Variants in SLC25A24 observed in about 807,000 individuals in gnomAD.
SLC25A24 encodes mitochondrial adenyl nucleotide antiporter SLC25A24.
A neutral mutation model predicts 60.7 loss-of-function variants in SLC25A24; 49 were observed. The observed-to-expected ratio is 0.81, with a 90% CI of 0.64 to 1.02. The LOEUF is 1.02. Ranked by LOEUF, SLC25A24 falls within the 50% of genes least tolerant of loss-of-function variation. The pLI, the probability that SLC25A24 is intolerant of heterozygous loss-of-function variation, is 0.00. For synonymous variants in SLC25A24, 202 were observed against 200.6 expected (o/e 1.01, Z -0.06); for missense variants, 564 against 586.3 (o/e 0.96, Z 0.39).
intron 6 of SLC25A24, among the ~76,000 whole-genome samples, chr1:108,149,861 T>C (rs1214276556): frequency 1.3e-5 from 2 of 152,166 alleles, no homozygotes; most frequent in East Asian, 3.9e-4. Context: ...GGATCTAAAG[T>C]GCCCAATGCA....
At chr1:108,170,703 AGAT>A (rs1197211156) in intron 3 of SLC25A24, among the ~76,000 whole-genome samples, 1 of 152,030 alleles carries the variant, frequency 6.6e-6, no homozygotes, top group Non-Finnish European at 1.5e-5. Flanking sequence ...TATTATTAAT[AGAT>A]TATTAATAAT....
chr1:108,140,401 G>T (rs527280760), intron 8 of SLC25A24, among the ~76,000 whole-genome samples: 2 of 151,960 alleles, frequency 1.3e-5, no homozygotes, highest in South Asian at 4.2e-4. Context: ...AAGGCTAAAA[G>T]GAGAAACAAA....
At chr1:108,197,149 G>C (rs970362584) in intron 1 of SLC25A24, among the ~76,000 whole-genome samples, 1 of 151,916 alleles carries the variant, frequency 6.6e-6, no homozygotes, top group African/African-American at 2.4e-5. Context: ...TCTTAATTTT[G>C]TCTCAGGACT....
chr1:108,143,801 T>TATTTTACATGGAAC, intron 7 of SLC25A24, 91 bp from the exon 8 acceptor site: 1 of 923,604 alleles, frequency 1.1e-6, no homozygotes, highest in Non-Finnish European at 1.7e-6. Context: ...AACAAATACC[T>TATTTTACATGGAAC]AGCACATATT....
chr1:108,178,054 T>A (rs1202318723), intron 3 of SLC25A24, among the ~76,000 whole-genome samples: 2 of 152,036 alleles, frequency 1.3e-5, no homozygotes, highest in Non-Finnish European at 2.9e-5. Flanking sequence ...TCCCAGCGAC[T>A]CGGGAGGCTG....
At chr1:108,150,078 A>C (rs1449371731) in intron 6 of SLC25A24, among the ~76,000 whole-genome samples, 1 of 152,186 alleles carries the variant, frequency 6.6e-6, no homozygotes, top group South Asian at 2.1e-4. Flanking sequence ...TGCATGTCAG[A>C]TTGTCAAAAT....
At chr1:108,161,697 T>G (rs1680089823) in intron 3 of SLC25A24, among the ~76,000 whole-genome samples, 1 of 152,220 alleles carries the variant, frequency 6.6e-6, no homozygotes. Flanking sequence ...TTGAATGTAG[T>G]TTTGAAATAT....
At chr1:108,138,118 T>C (rs1195104029) in intron 9 of SLC25A24, among the ~76,000 whole-genome samples, 3 of 152,234 alleles carry the variant, frequency 2.0e-5, no homozygotes, top group African/African-American at 7.2e-5. Context: ...TGCTCTGTGC[T>C]CCCCTAACAA....
At chr1:108,173,636 T>A (rs761287262) in intron 3 of SLC25A24, among the ~76,000 whole-genome samples, 3 of 152,020 alleles carry the variant, frequency 2.0e-5, no homozygotes, top group Non-Finnish European at 4.4e-5. Context: ...CAGGCAGAGG[T>A]TGGAACAGTT....
intron 6 of SLC25A24, among the ~76,000 whole-genome samples, chr1:108,148,910 C>T (rs1439879909): frequency 2.0e-5 from 3 of 152,120 alleles, no homozygotes; most frequent in East Asian, 3.9e-4. Flanking sequence ...AAGAGCAAGG[C>T]CTAAATGCTA....
chr1:108,148,618 C>T (rs1192332719), intron 6 of SLC25A24, among the ~76,000 whole-genome samples: 1 of 152,132 alleles, frequency 6.6e-6, no homozygotes, highest in Non-Finnish European at 1.5e-5. Context: ...TTCACATGTG[C>T]ACCAAGAAAA....
chr1:108,188,066 G>A (rs541867733), intron 1 of SLC25A24, among the ~76,000 whole-genome samples: 11 of 151,608 alleles, frequency 7.3e-5, no homozygotes, highest in Admixed American at 1.3e-4. Flanking sequence ...ATAAAATCAC[G>A]TCCTCTGCAG....
At chr1:108,174,082 G>A (rs1186416884) in intron 3 of SLC25A24, among the ~76,000 whole-genome samples, 1 of 152,252 alleles carries the variant, frequency 6.6e-6, no homozygotes, top group Non-Finnish European at 1.5e-5. Context: ...CAAGCCAGCT[G>A]CAGAAATCTG....
intron 5 of SLC25A24, among the ~76,000 whole-genome samples, chr1:108,156,836 C>CTCTCA (rs1216321244): frequency 1.3e-5 from 2 of 152,188 alleles, no homozygotes; most frequent in African/African-American, 4.8e-5. Flanking sequence ...TGCATTCCCC[C>CTCTCA]TCTCATTTGT....
intron 4 of SLC25A24, among the ~76,000 whole-genome samples, chr1:108,160,682 C>T (rs1310821907): frequency 6.6e-6 from 1 of 152,250 alleles, no homozygotes; most frequent in Non-Finnish European, 1.5e-5. Context: ...GTGAACGAGA[C>T]TCCGTCTGCA....
chr1:108,143,567 T>C lies in SLC25A24; in HGVS notation c.1074A>G (p.Ala358=), dbSNP rs1679505523. The C allele has an allele frequency of 1.2e-6, 2 of 1,613,020 alleles. No homozygotes were observed. The highest frequency in any genetic ancestry group is 1.7e-6 in the Non-Finnish European group (2 of 1,179,576). ...VPNLLGIIPY[A]GIDLAVYELL... is the part of the protein sequence containing the mutation. ...CCTCATACACAGCAAGATCTATGCC[T>C]GCATAAGGTATGATACCTAATAAAT... Residue 358 remains alanine (A), a synonymous_variant, in exon 8 of 10, where the codon GCA becomes GCG. Coordinates refer to ENST00000565488, the MANE Select transcript of SLC25A24 (RefSeq NM_013386.5).
chr1:108,143,737 ATTGT>A, intron 7 of SLC25A24, 27 bp from the exon 8 acceptor site: 1 of 1,568,542 alleles, frequency 6.4e-7, no homozygotes, highest in Non-Finnish European at 8.7e-7. Context: ...ACAAAATATG[ATTGT>A]TCATATTAAC....
At chr1:108,171,227 C>T (rs1472096702) in intron 3 of SLC25A24, among the ~76,000 whole-genome samples, 1 of 150,350 alleles carries the variant, frequency 6.7e-6, no homozygotes, top group Non-Finnish European at 1.5e-5. Flanking sequence ...TGAAATTTTA[C>T]CACATATATA....
intron 3 of SLC25A24, among the ~76,000 whole-genome samples, chr1:108,166,176 T>C (rs937284082): frequency 1.6e-4 from 25 of 152,268 alleles, no homozygotes; most frequent in Non-Finnish European, 3.5e-4. Context: ...GTTAGTCTGA[T>C]GGGCTTCCAT....
Sources: gnomAD v4.1 joint callset for allele counts (sites outside exome capture counted in the v4.1 genomes callset) on GRCh38, gnomAD v4.1.1 for gene constraint, MANE v1.5 for transcripts, NCBI Gene and HGNC (gene_info 2026-07-23, HGNC 2026-07-21) for gene names.